The following RBPJ variants were observed in gnomAD, a reference collection of about 807,000 sequenced individuals.
RBPJ encodes the protein recombining binding protein suppressor of hairless.
Under a neutral mutation model 67.8 loss-of-function variants are expected in RBPJ, and 9 were observed. The ratio of observed to expected loss-of-function variants is 0.13; its 90% confidence interval spans 0.08 to 0.23. The LOEUF is 0.23. RBPJ is among the 10% of genes least tolerant of loss of function. RBPJ has a pLI of 1.00. For synonymous variants in RBPJ, 198 were observed against 203.3 expected (o/e 0.97, Z 0.22); for missense variants, 305 against 595.6 (o/e 0.51, Z 5.08).
chr4:26,387,292 A>G (rs78279787), intron 2 of RBPJ, among the ~76,000 whole-genome samples: 6,426 of 152,280 alleles, frequency 0.042, 211 homozygotes, highest in Non-Finnish European at 0.066. Flanking sequence ...TGAAGGGGAA[A>G]TCTGGGACAC....
intron 1 of RBPJ, among the ~76,000 whole-genome samples, chr4:26,250,257 C>G (rs1720063824): frequency 6.6e-6 from 1 of 151,568 alleles, no homozygotes; most frequent in Non-Finnish European, 1.5e-5. Context: ...GCCCTTTTGT[C>G]TCTGGCTTAT....
the RBPJ span, among the ~76,000 whole-genome samples, chr4:26,156,839 G>T: frequency 1.2e-4 from 19 of 152,150 alleles, no homozygotes; most frequent in East Asian, 3.3e-3. Context: ...GGCAGCAGAG[G>T]CTGGCAGATT....
At chr4:26,236,040 A>G (rs970083918) in intron 1 of RBPJ, among the ~76,000 whole-genome samples, 3 of 152,236 alleles carry the variant, frequency 2.0e-5, no homozygotes, top group Admixed American at 6.5e-5. Flanking sequence ...ATGAGAGGTA[A>G]AATATGGACA....
intron 1 of RBPJ, among the ~76,000 whole-genome samples, chr4:26,311,732 A>G (rs1722433512): frequency 6.6e-6 from 1 of 152,146 alleles, no homozygotes; most frequent in African/African-American, 2.4e-5. Flanking sequence ...CCCTTTAGTG[A>G]GAAAGTCCCA....
the RBPJ span, chr4:26,111,834 G>A: frequency 5.9e-6 from 1 of 169,508 alleles, no homozygotes; most frequent in African/African-American, 2.4e-5. Flanking sequence ...AGTGACACAT[G>A]GAGACCTCTC....
intron 1 of RBPJ, among the ~76,000 whole-genome samples, chr4:26,283,470 G>A (rs1014347794): frequency 4.6e-5 from 7 of 150,768 alleles, no homozygotes; most frequent in Non-Finnish European, 8.9e-5. Context: ...ACTTGAACCC[G>A]GGAGGCGGAG....
At chr4:26,295,607 C>G (rs975939067) in intron 1 of RBPJ, among the ~76,000 whole-genome samples, 2 of 152,138 alleles carry the variant, frequency 1.3e-5, no homozygotes, top group Non-Finnish European at 2.9e-5. Context: ...AAGGCACACT[C>G]TACCCAACTG....
the RBPJ span, among the ~76,000 whole-genome samples, chr4:26,152,980 G>A: frequency 6.6e-3 from 1,005 of 152,290 alleles, 44 homozygotes; most frequent in Admixed American, 0.062. Flanking sequence ...TGGGATTTTG[G>A]AATATTTGCA....
In RBPJ at chr4:26,432,762, T is replaced by G. The variant is rs1166989133; in HGVS notation, c.*1755T>G. 1 of 152,198 alleles carries G rather than the reference T, an allele frequency of 6.6e-6. No homozygotes were observed. The highest frequency in any genetic ancestry group is 2.4e-5 in the African/African-American group (1 of 41,462). The allele number at this position is 152,198 out of a possible 1,614,324, so 9.4% of individuals were successfully genotyped here. ...ATAAAACAGGAGCCACAGTACCTTA[T>G]GAATGCAAAACTGTAACTTCCTACA... On this transcript the variant is annotated 3_prime_UTR_variant, in exon 11 of 11. Coordinates refer to ENST00000355476, the MANE Select transcript of RBPJ (RefSeq NM_015874.6).
At chr4:26,141,304 T>C in the RBPJ span, among the ~76,000 whole-genome samples, 1 of 152,210 alleles carries the variant, frequency 6.6e-6, no homozygotes, top group African/African-American at 2.4e-5. Context: ...GCTAAAAGCC[T>C]TCAGGAGAAA....
chr4:26,233,069 T>C lies in RBPJ; in HGVS notation c.-167+69455T>C, dbSNP rs535113277. 2.6e-5 allele frequency among the ~76,000 whole-genome samples: 4 copies of C among 152,350 alleles called. No individual in the cohort carries two copies. In the South Asian group the frequency reaches 6.2e-4, roughly 24 times the overall value. ...TTCTCCAGATGTACAAGTAGTGTTG[T>C]ATGCACTGCAGAAACAGTAAACACA... On this transcript the variant is annotated intron_variant, in intron 1 of 4. Coordinates refer to the RBPJ transcript ENST00000512351.
chr4:26,263,702 C>T (rs557478126), intron 1 of RBPJ, among the ~76,000 whole-genome samples: 24 of 150,854 alleles, frequency 1.6e-4, no homozygotes, highest in Non-Finnish European at 2.8e-4. Context: ...CTCCTGAGTA[C>T]CTGGGACTAC....
intron 1 of RBPJ, chr4:26,359,924 C>T (rs927521954): frequency 6.6e-6 from 1 of 152,186 alleles, no homozygotes; most frequent in African/African-American, 2.4e-5. Flanking sequence ...GTTATTTGAT[C>T]TCATAATTTC....
At chr4:26,238,208 C>T (rs1425507505) in intron 1 of RBPJ, among the ~76,000 whole-genome samples, 10 of 152,102 alleles carry the variant, frequency 6.6e-5, no homozygotes, top group Non-Finnish European at 1.5e-4. Flanking sequence ...ACCACAGGCG[C>T]GCACCACCGT....
intron 1 of RBPJ, among the ~76,000 whole-genome samples, chr4:26,196,251 A>G (rs10017756): frequency 0.69 from 105,491 of 152,120 alleles, 36,957 homozygotes; most frequent in African/African-American, 0.77. Context: ...TTCAGTAAGA[A>G]AAAGGAATGA....
At chr4:26,261,782 T>C (rs1720547241) in intron 1 of RBPJ, among the ~76,000 whole-genome samples, 1 of 152,182 alleles carries the variant, frequency 6.6e-6, no homozygotes, top group South Asian at 2.1e-4. Flanking sequence ...GAGTCAGAAA[T>C]TATGTGCAGT....
At chr4:26,209,147 C>T (rs147312233) in intron 1 of RBPJ, among the ~76,000 whole-genome samples, 17 of 150,458 alleles carry the variant, frequency 1.1e-4, no homozygotes, top group African/African-American at 3.4e-4. Flanking sequence ...ATACTCTCAA[C>T]ATGGCCTATT....
the RBPJ span, among the ~76,000 whole-genome samples, chr4:26,137,322 C>T: frequency 7.9e-5 from 12 of 152,192 alleles, no homozygotes; most frequent in Non-Finnish European, 4.4e-5. Flanking sequence ...GACCCACCCT[C>T]TCATTGTAGA....
chr4:26,275,959 T>C (rs1721067500), intron 1 of RBPJ, among the ~76,000 whole-genome samples: 1 of 150,620 alleles, frequency 6.6e-6, no homozygotes, highest in African/African-American at 2.4e-5. Flanking sequence ...AAAAGGATAC[T>C]TAGTGACATG....
Sources: gnomAD v4.1 joint callset for allele counts (sites outside exome capture counted in the v4.1 genomes callset) on GRCh38, gnomAD v4.1.1 for gene constraint, MANE v1.5 for transcripts, NCBI Gene and HGNC (gene_info 2026-07-23, HGNC 2026-07-21) for gene names.